The following MEF2C variants were observed in gnomAD, a reference collection of about 807,000 sequenced individuals.
MEF2C encodes the protein myocyte-specific enhancer factor 2C.
In MEF2C, 6 loss-of-function variants were observed where a neutral mutation model predicts 50.5. The ratio of observed to expected loss-of-function variants is 0.12; its 90% CI spans 0.07 to 0.23. The LOEUF (loss-of-function observed/expected upper bound fraction) is 0.23, where lower values mean the gene tolerates loss of function less well. MEF2C is among the 10% of genes least tolerant of loss of function. MEF2C has a pLI of 1.00. For synonymous variants in MEF2C, 183 were observed against 228.0 expected, an observed-to-expected ratio of 0.80 and a Z score of 1.78; for missense variants, 276 against 605.0, an observed-to-expected ratio of 0.46 and a Z score of 5.70.
intron 1 of MEF2C, among the ~76,000 whole-genome samples, chr5:88,854,102 G>A (rs972952931): frequency 3.3e-5 from 5 of 152,164 alleles, no homozygotes; most frequent in Middle Eastern, 3.2e-3. Context: ...ACCATTGAGA[G>A]CAGCTTTTTG....
At chr5:88,786,556 C>T (rs1580688072) in intron 3 of MEF2C, among the ~76,000 whole-genome samples, 1 of 152,174 alleles carries the variant, frequency 6.6e-6, no homozygotes, top group South Asian at 2.1e-4. Context: ...ATGAAATTCA[C>T]TGCATTTTTC....
At chr5:88,725,881 G>T (rs1435345971) in intron 10 of MEF2C, among the ~76,000 whole-genome samples, 4 of 152,040 alleles carry the variant, frequency 2.6e-5, no homozygotes, top group Admixed American at 6.6e-5. Context: ...AAAACAGGCT[G>T]CCCTTTTTAT....
rs970912457 is a variant in MEF2C at position 88,717,176 on chromosome 5, C to T, written c.*5428G>A. The T allele has an allele frequency of 4.6e-5, 7 of 152,112 alleles. No homozygotes were observed. The highest frequency in any genetic ancestry group is 1.7e-4 in the African/African-American group (7 of 41,432). The allele number at this position is 152,112 out of a possible 1,614,324, so 9.4% of individuals were successfully genotyped here. ...TTATCAGGATAATGATAGCAGAACA[C>T]TAAACGAAACACAAGCTAGGGCCAT... On this transcript the variant is annotated 3_prime_UTR_variant, in exon 11 of 11. Coordinates refer to ENST00000504921, the MANE Select transcript of MEF2C (RefSeq NM_002397.5).
intron 1 of MEF2C, among the ~76,000 whole-genome samples, chr5:88,831,284 G>A (rs1269625309): frequency 6.6e-6 from 1 of 151,982 alleles, no homozygotes; most frequent in East Asian, 1.9e-4. Context: ...AAAACAATAA[G>A]AGTACATTTT....
In MEF2C at chr5:88,741,256, T is replaced by G. The variant is rs964265779; in HGVS notation, c.637+7814A>C. On this transcript the variant is annotated intron_variant, in intron 6 of 10. Coordinates refer to ENST00000504921, the MANE Select transcript of MEF2C (RefSeq NM_002397.5). ...ACCAGAAAGGCTAGAAAATCAAGAA[T>G]GTAGATGATTATAACCATAGCTCAC... 11 of 985,222 alleles carry G rather than the reference T, an allele frequency of 1.1e-5. No individual in the cohort carries two copies. In the Admixed American group the frequency reaches 5.5e-4, roughly 50 times the overall value. The allele number at this position is 985,222 out of a possible 1,614,324, so 61.0% of individuals were successfully genotyped here.
At position 88,816,229 on chromosome 5, in the gene MEF2C, C is replaced by T. The variant is rs371091231; in HGVS notation, c.54+7506G>A. Among the ~76,000 whole-genome samples, 67 of 152,016 alleles carry T rather than the reference C, an allele frequency of 4.4e-4. No homozygotes were observed. The South Asian group carries it at 0.013, about 29-fold the overall frequency. ...AAGGAAAGTGAATGAATGAGATTGA[C>T]GGGAGTTGGAGCAATATCTTTCTGG... On this transcript the variant is annotated intron_variant, in intron 2 of 10. Coordinates refer to ENST00000504921, the MANE Select transcript of MEF2C (RefSeq NM_002397.5).
intron 6 of MEF2C, chr5:88,740,714 G>C: frequency 3.0e-6 from 3 of 984,430 alleles, no homozygotes; most frequent in Non-Finnish European, 3.6e-6. Context: ...TCTCCTTTGG[G>C]TACTGATTTA....
At chr5:88,896,287 G>A (rs1244534642) in intron 1 of MEF2C, among the ~76,000 whole-genome samples, 2 of 152,144 alleles carry the variant, frequency 1.3e-5, no homozygotes, top group Non-Finnish European at 2.9e-5. Flanking sequence ...CAGCCACTGC[G>A]TGTCCCTTGT....
intron 1 of MEF2C, among the ~76,000 whole-genome samples, chr5:88,869,205 A>C (rs548157335): frequency 6.9e-6 from 1 of 144,442 alleles, no homozygotes; most frequent in Admixed American, 7.1e-5. Flanking sequence ...TTATGTCTTA[A>C]ATGTATTTTG....
intron 1 of MEF2C, chr5:88,881,340 G>A (rs1581950126): frequency 6.6e-6 from 1 of 152,100 alleles, no homozygotes; most frequent in East Asian, 1.9e-4. Context: ...TCTGAGTCTT[G>A]CTTTAGAACT....
intron 1 of MEF2C, among the ~76,000 whole-genome samples, chr5:88,879,381 A>G (rs1232213899): frequency 9.7e-6 from 1 of 103,546 alleles, no homozygotes; most frequent in Non-Finnish European, 1.9e-5. Context: ...AAATATATAT[A>G]TTATATATAT....
chr5:88,846,393 A>C (rs1561312894), intron 1 of MEF2C, among the ~76,000 whole-genome samples: 1 of 152,194 alleles, frequency 6.6e-6, no homozygotes, highest in Non-Finnish European at 1.5e-5. Flanking sequence ...CGAAAGTGCT[A>C]CAAATATATG....
In MEF2C at chr5:88,717,195, G is replaced by A. The variant is rs566091573; in HGVS notation, c.*5409C>T. 1 of 152,178 alleles carries A rather than the reference G, an allele frequency of 6.6e-6. No homozygotes were observed. The highest frequency in any genetic ancestry group is 2.1e-4 in the South Asian group (1 of 4,816). 9.4% of individuals were successfully genotyped at this position (152,178 alleles called of 1,614,324 possible). The stretch of plus-strand genomic sequence containing the variant: ...AGAACACTAAACGAAACACAAGCTA[G>A]GGCCATATGTGACTGCAGGGGTCAC... On this transcript the variant is annotated 3_prime_UTR_variant, in exon 11 of 11. Coordinates refer to ENST00000504921, the MANE Select transcript of MEF2C (RefSeq NM_002397.5).
intron 2 of MEF2C, among the ~76,000 whole-genome samples, chr5:88,818,154 T>A (rs1310152235): frequency 2.0e-5 from 3 of 151,986 alleles, no homozygotes; most frequent in Non-Finnish European, 4.4e-5. Flanking sequence ...CTAACTACCC[T>A]GATTTGATCA....
chr5:88,738,057 A>T, intron 6 of MEF2C: 5 of 985,344 alleles, frequency 5.1e-6, no homozygotes, highest in Non-Finnish European at 6.0e-6. Flanking sequence ...GCAGAGAGAA[A>T]GGTTTACAGG....
chr5:88,799,864 TCTCTCTCA>T (rs1293617162), intron 3 of MEF2C, among the ~76,000 whole-genome samples: 36 of 114,134 alleles, frequency 3.2e-4, no homozygotes, highest in African/African-American at 1.1e-3. Flanking sequence ...TCTCTCTCTC[TCTCTCTCA>T]CACACACACA....
At chr5:88,742,771 T>C in intron 6 of MEF2C, 3 of 985,354 alleles carry the variant, frequency 3.0e-6, no homozygotes, top group Non-Finnish European at 2.4e-6. Flanking sequence ...CCCTAGAGAA[T>C]GGTATCAAGG....
chr5:88,733,364 G>T lies in MEF2C; in HGVS notation c.638-1463C>A, dbSNP rs141212735. On this transcript the variant is annotated intron_variant, in intron 6 of 10. Coordinates refer to ENST00000504921, the MANE Select transcript of MEF2C (RefSeq NM_002397.5). ...AGGGATGCAGGGGTTGGGCTGTGGAGATCTCAAATTCCAGGCTAAAAGTCC... is the reference window on the plus strand; with the variant it reads ...AGGGATGCAGGGGTTGGGCTGTGGATATCTCAAATTCCAGGCTAAAAGTCC... 265 of 985,378 alleles carry T rather than the reference G, an allele frequency of 2.7e-4. 1 individual carries two copies. The Middle Eastern group carries it at 9.4e-3, about 35-fold the overall frequency. 61.0% of individuals were successfully genotyped at this position (985,378 alleles called of 1,614,324 possible). A position where few individuals can be genotyped will look rare whatever the true frequency, so the allele number is the denominator to read the frequency against.
At chr5:88,792,237 T>TA (rs573450424) in intron 3 of MEF2C, among the ~76,000 whole-genome samples, 7 of 151,086 alleles carry the variant, frequency 4.6e-5, no homozygotes, top group Middle Eastern at 3.4e-3. Flanking sequence ...AGCTTCAAGT[T>TA]AAAAAAAAAT....
Sources: allele counts gnomAD v4.1 joint callset (sites outside exome capture counted in the v4.1 genomes callset), GRCh38; gene constraint gnomAD v4.1.1; transcripts MANE v1.5; gene names NCBI Gene and HGNC (gene_info 2026-07-23, HGNC 2026-07-21).